Variants in PCDHGB5 observed in about 807,000 individuals in gnomAD.
PCDHGB5 encodes protocadherin gamma subfamily B, 5.
In PCDHGB5, 48 loss-of-function variants were observed where a neutral mutation model predicts 62.9. The observed-to-expected ratio is 0.76, with a 90% CI of 0.61 to 0.97. The LOEUF is 0.97. Among genes scored for constraint, PCDHGB5 ranks in the 50% least tolerant of loss-of-function variants. The pLI, the probability that PCDHGB5 is intolerant of heterozygous loss-of-function variation, is 0.00. For synonymous variants in PCDHGB5, 474 were observed against 511.2 expected (o/e 0.93, Z 0.98); for missense variants, 1,118 against 1,198.6 (o/e 0.93, Z 0.99).
chr5:141,507,601 A>G (rs2099861935), intron 3 of PCDHGB5, among the ~76,000 whole-genome samples: 1 of 152,254 alleles, frequency 6.6e-6, no homozygotes, highest in South Asian at 2.1e-4. Flanking sequence ...TGAGGGAAAT[A>G]AACAGGTATA....
rs11952292 is a variant in PCDHGB5 at position 141,491,682 on chromosome 5, G to T, written c.2398-3125G>T. The T allele has an allele frequency of 0.072, 115,891 of 1,613,112 alleles. 4,572 individuals carry two copies. The highest frequency in any genetic ancestry group is 0.11 in the South Asian group (9,996 of 91,042). ...ACGCCATCCGGTCCCGCTCTAATAC[G>T]CTGCGGGAGCGGAGCCAGGTGAGGG... On this transcript the variant is annotated intron_variant, in intron 1 of 3. Coordinates refer to ENST00000617380, the MANE Select transcript of PCDHGB5 (RefSeq NM_018925.3). The surrounding 1 kb of genome is among the most constrained non-coding windows in gnomAD (Gnocchi z 6.9).
At chr5:141,416,947 T>G (rs1436457377) in intron 1 of PCDHGB5, 1 of 152,184 alleles carries the variant, frequency 6.6e-6, no homozygotes, top group Non-Finnish European at 1.5e-5. Flanking sequence ...CCATTGAAAC[T>G]ATTATTTTAT....
rs1319222603 is a variant in PCDHGB5 at position 141,438,686 on chromosome 5, A to G, written c.2397+38162A>G. Among the ~76,000 whole-genome samples the G allele has an allele frequency of 2.8e-5, 4 of 140,922 alleles. No homozygotes were observed. The Admixed American group carries it at 2.9e-4, about 10-fold the overall frequency. 92.5% of individuals were successfully genotyped at this position (140,922 alleles called of 152,430 possible). On this transcript the variant is annotated intron_variant, in intron 1 of 3. Transcript: ENST00000617380. ...TATATATATTTGGAGTAGGGGATGGAGTCTTGCTCTGTCACCCAGGCTGGA... is the reference window on the plus strand; with the variant it reads ...TATATATATTTGGAGTAGGGGATGGGGTCTTGCTCTGTCACCCAGGCTGGA...
intron 1 of PCDHGB5, among the ~76,000 whole-genome samples, chr5:141,484,760 A>G (rs1472178052): frequency 2.0e-5 from 3 of 151,880 alleles, no homozygotes; most frequent in South Asian, 2.1e-4. Flanking sequence ...GTATATATAT[A>G]TATATGTTGT....
In PCDHGB5 at chr5:141,399,208, C is replaced by G; in HGVS notation, c.1081C>G (p.Leu361Val). The change falls in exon 1 of 4, where the codon CTA becomes GTA. Residue 361 changes from leucine to valine, a missense_variant. By Grantham distance (32) the Leu-to-Val change is conservative. This residue lies in a region of PCDHGB5 where 1,034 missense variants were observed against 1,029.1 expected (regional missense o/e 1.00). Transcript: ENST00000617380. ...MILENAVPGT[L>V]IALIKIHDQD... ...TCTGGAAAACGCGGTGCCTGGAACACTAATTGCTTTGATCAAAATACATGA... is the reference window on the plus strand; with the variant it reads ...TCTGGAAAACGCGGTGCCTGGAACAGTAATTGCTTTGATCAAAATACATGA... 1 of 1,613,958 alleles carries G rather than the reference C, an allele frequency of 6.2e-7. No homozygotes were observed. The highest frequency in any genetic ancestry group is 8.5e-7 in the Non-Finnish European group (1 of 1,179,860).
At chr5:141,462,122 C>A (rs1437400069) in intron 1 of PCDHGB5, among the ~76,000 whole-genome samples, 3 of 152,044 alleles carry the variant, frequency 2.0e-5, no homozygotes, top group Admixed American at 6.6e-5. Context: ...TGCACCCAGT[C>A]CAATTTTTTG....
In PCDHGB5 at chr5:141,398,596, G is replaced by A. The variant is rs201846904; in HGVS notation, c.469G>A (p.Ala157Thr). 1,173 of 1,614,034 alleles carry A rather than the reference G, an allele frequency of 7.3e-4. 1 individual carries two copies. Among genetic ancestry groups the A allele is most frequent in the Non-Finnish European group, 9.3e-4 (1,101 of 1,179,898 alleles). ...QPGTRFILEV[A>T]EDADIGLNSL... ...TGGCACAAGATTTATACTAGAAGTA[G>A]CAGAAGATGCAGATATTGGCTTAAA... is the stretch of plus-strand genomic sequence containing the variant. Residue 157 changes from alanine to threonine, a missense_variant, in exon 1 of 4, where the codon GCA (alanine) becomes ACA (threonine). This residue lies in a region of PCDHGB5 where 1,034 missense variants were observed against 1,029.1 expected (regional missense o/e 1.00). Transcript: ENST00000617380.
chr5:141,489,013 C>T lies in PCDHGB5; in HGVS notation c.2398-5794C>T, dbSNP rs533320646. ...AGGTGGGAGATCTGCTCTTCCAGCC[C>T]GCCTCTCCTCCTCCAGCTCCCCAGC... On this transcript the variant is annotated intron_variant, in intron 1 of 3. Coordinates refer to ENST00000617380, the MANE Select transcript of PCDHGB5 (RefSeq NM_018925.3). The surrounding 1 kb of genome is among the most constrained non-coding windows in gnomAD (Gnocchi z 4.5). 4.6e-5 allele frequency: 20 copies of T among 438,612 alleles called. No homozygotes were observed. Among genetic ancestry groups the T allele is most frequent in the East Asian group, 2.7e-4 (8 of 29,802 alleles). The allele number at this position is 438,612 out of a possible 1,614,324, so 27.2% of individuals were successfully genotyped here.
At chr5:141,445,890 T>A (rs1435563284) in intron 1 of PCDHGB5, among the ~76,000 whole-genome samples, 1 of 152,210 alleles carries the variant, frequency 6.6e-6, no homozygotes, top group Non-Finnish European at 1.5e-5. Flanking sequence ...ACTTAGGAGC[T>A]ATTAAAATAT....
rs757157488 is a variant in PCDHGB5 at position 141,477,668 on chromosome 5, A to G, written c.2398-17139A>G. ...TTTCACAATAAATCGTGACAATGGC[A>G]TAGTGTCATCCTTAGTGCCCCTAGA... On this transcript the variant is annotated intron_variant, in intron 1 of 3. Coordinates refer to ENST00000617380, the MANE Select transcript of PCDHGB5 (RefSeq NM_018925.3). The surrounding 1 kb of genome is among the most constrained non-coding windows in gnomAD (Gnocchi z 4.9). 10 of 1,614,104 alleles carry G rather than the reference A, an allele frequency of 6.2e-6. No individual in the cohort carries two copies. Among genetic ancestry groups the G allele is most frequent in the Non-Finnish European group, 8.5e-6 (10 of 1,180,046 alleles).
At chr5:141,415,422 G>A (rs769839324) in intron 1 of PCDHGB5, 3 of 1,614,204 alleles carry the variant, frequency 1.9e-6, no homozygotes, top group East Asian at 2.2e-5. Context: ...GCGTGGACGG[G>A]GTTCGGGCTT....
rs1167955962 is a variant in PCDHGB5, at chr5:141,477,078, A to G, written c.2398-17729A>G. ...GAGGACACCAAACTCCATGAGATTT[A>G]CATCCAGGCCAAAGACAAGGGCGCC... On this transcript the variant is annotated intron_variant, in intron 1 of 3. Transcript: ENST00000617380. This position sits in a 1 kb window ranked among gnomAD's most constrained non-coding sequence, Gnocchi z 4.9. The G allele has an allele frequency of 6.8e-6, 11 of 1,614,262 alleles. No individual in the cohort carries two copies. In the South Asian group the frequency reaches 1.2e-4, roughly 18 times the overall value.
Position 141,476,855 on chromosome 5 carries a change from T to C in PCDHGB5, c.2398-17952T>C, listed in dbSNP as rs149491772. The C allele has an allele frequency of 3.2e-4, 519 of 1,613,836 alleles. 3 individuals carry two copies. The African/African-American group carries it at 6.2e-3, about 19-fold the overall frequency. Reference sequence around the variant, plus strand: ...TGACAATGCGCCTGTCTTCAACCAGTCCTTGTACCGGGCGCGCGTCCTGGA... The same window carrying C: ...TGACAATGCGCCTGTCTTCAACCAGCCCTTGTACCGGGCGCGCGTCCTGGA... On this transcript the variant is annotated intron_variant, in intron 1 of 3. Coordinates refer to ENST00000617380, the MANE Select transcript of PCDHGB5 (RefSeq NM_018925.3). This position sits in a 1 kb window ranked among gnomAD's most constrained non-coding sequence, Gnocchi z 7.6.
chr5:141,465,440 A>T (rs1478987071), intron 1 of PCDHGB5, among the ~76,000 whole-genome samples: 1 of 152,194 alleles, frequency 6.6e-6, no homozygotes, highest in Non-Finnish European at 1.5e-5. Flanking sequence ...CTTAATGATT[A>T]CCCAAGAAAA....
intron 1 of PCDHGB5, chr5:141,478,053 T>A (rs1461280529): frequency 1.2e-6 from 2 of 1,614,010 alleles, no homozygotes; most frequent in Non-Finnish European, 1.7e-6. Context: ...ACTCTCACGG[T>A]CTTGATCAAA....
chr5:141,416,859 G>A (rs1411419006), intron 1 of PCDHGB5: 1 of 151,936 alleles, frequency 6.6e-6, no homozygotes, highest in South Asian at 2.1e-4. Context: ...ATTTTTTTCA[G>A]GTCAGTCAAC....
At chr5:141,456,119 C>G (rs902179639) in intron 1 of PCDHGB5, among the ~76,000 whole-genome samples, 3 of 151,826 alleles carry the variant, frequency 2.0e-5, no homozygotes, top group Non-Finnish European at 4.4e-5. Flanking sequence ...GGATGGTCTC[C>G]ATCTCCTGAC....
chr5:141,400,123 G>T lies in PCDHGB5; in HGVS notation c.1996G>T (p.Glu666Ter). 1 of 1,614,082 alleles carries T rather than the reference G, an allele frequency of 6.2e-7. No individual in the cohort carries two copies. The highest frequency in any genetic ancestry group is 8.5e-7 in the Non-Finnish European group (1 of 1,179,896). The part of the protein sequence containing the change: ...LHLVFADSLQ[E>*]VLPDITDRPV... ...CTTGGTCTTTGCTGACAGCTTGCAGGAGGTGCTGCCGGATATCACTGACCG... is the reference window on the plus strand; with the variant it reads ...CTTGGTCTTTGCTGACAGCTTGCAGTAGGTGCTGCCGGATATCACTGACCG... The change falls in exon 1 of 4, where the codon GAG becomes TAG. Residue 666 changes from glutamate to a stop codon, truncating the protein, a stop_gained. Coordinates refer to ENST00000617380, the MANE Select transcript of PCDHGB5 (RefSeq NM_018925.3). LOFTEE classifies it high-confidence loss of function.
chr5:141,489,060 TC>T lies in PCDHGB5; in HGVS notation c.2398-5741del, dbSNP rs1037208652. 41 of 300,146 alleles carry T rather than the reference TC, an allele frequency of 1.4e-4. No individual in the cohort carries two copies. The highest frequency in any genetic ancestry group is 2.3e-4 in the Non-Finnish European group (38 of 162,914). The allele number at this position is 300,146 out of a possible 1,614,324, so 18.6% of individuals were successfully genotyped here. A position where few individuals can be genotyped will look rare whatever the true frequency, so the allele number is the denominator to read the frequency against. On this transcript the variant is annotated intron_variant, in intron 1 of 3. Coordinates refer to ENST00000617380, the MANE Select transcript of PCDHGB5 (RefSeq NM_018925.3). This position sits in a 1 kb window ranked among gnomAD's most constrained non-coding sequence, Gnocchi z 4.5. ...CAGCTCCACTCAAATTCAGCTCCCC[TC>T]CCCCCTGCCCACCCCCGCCACTCGG...
Sources: allele counts gnomAD v4.1 joint callset (sites outside exome capture counted in the v4.1 genomes callset), GRCh38; gene constraint gnomAD v4.1.1; regional missense constraint gnomAD v4.1.1; non-coding constraint Gnocchi (gnomAD v3.1); transcripts MANE v1.5; gene names NCBI Gene and HGNC (gene_info 2026-07-23, HGNC 2026-07-21).